Variants in CACNA1A observed in about 807,000 individuals in gnomAD.
The protein encoded by CACNA1A is voltage-dependent P/Q-type calcium channel subunit alpha-1A.
In CACNA1A, 57 loss-of-function variants were observed where a neutral mutation model predicts 262.4. The observed-to-expected ratio is 0.22, with a 90% CI of 0.18 to 0.27. The LOEUF (loss-of-function observed/expected upper bound fraction) is 0.27, where lower values mean the gene tolerates loss of function less well. CACNA1A is among the 10% of genes least tolerant of loss of function. CACNA1A has a pLI of 1.00. For synonymous variants in CACNA1A, 1,431 were observed against 1,419.3 expected (o/e 1.01, Z -0.18); for missense variants, 2,526 against 3,562.8 (o/e 0.71, Z 7.41).
intron 2 of CACNA1A, among the ~76,000 whole-genome samples, chr19:13,454,383 C>A (rs531837126): frequency 6.6e-6 from 1 of 151,804 alleles, no homozygotes; most frequent in African/African-American, 2.4e-5. Flanking sequence ...CGCCTCCCCC[C>A]CACCAAGATG....
chr19:13,349,098 C>T (rs1719727970), intron 6 of CACNA1A, among the ~76,000 whole-genome samples: 1 of 151,370 alleles, frequency 6.6e-6, no homozygotes, highest in Non-Finnish European at 1.5e-5. Flanking sequence ...GAATTGTGTC[C>T]AGAGCTGTGT....
intron 5 of CACNA1A, chr19:13,362,009 T>C (rs1420060742): frequency 6.8e-6 from 1 of 146,948 alleles, no homozygotes; most frequent in African/African-American, 2.5e-5. Context: ...CTTCCTTCTT[T>C]CCTTCCTCTC....
chr19:13,402,777 T>TAC (rs1436795574), intron 3 of CACNA1A, among the ~76,000 whole-genome samples: 9 of 133,446 alleles, frequency 6.7e-5, no homozygotes, highest in Admixed American at 4.3e-4. Context: ...TACATATATA[T>TAC]ACATATATAT....
At position 13,214,532 on chromosome 19, in the gene CACNA1A, C is replaced by T. The variant is rs776980110; in HGVS notation, c.5808G>A (p.Lys1936=). 1 of 1,614,000 alleles carries T rather than the reference C, an allele frequency of 6.2e-7. No homozygotes were observed. Among genetic ancestry groups the T allele is most frequent in the Non-Finnish European group, 8.5e-7 (1 of 1,179,852 alleles). ...GAGGTGTGACCAGCAGGTCTAGCGT[C>T]TTCTGGGACAGATTGGGCCAAATCG... The part of the protein sequence containing the change: ...MMAIWPNLSQ[K]TLDLLVTPHK... The change falls in exon 39 of 47, where the codon AAG becomes AAA. Residue 1936 remains lysine, a synonymous_variant. Transcript: ENST00000360228. The surrounding 1 kb of genome is among the most constrained non-coding windows in gnomAD (Gnocchi z 4.1).
intron 29 of CACNA1A, among the ~76,000 whole-genome samples, chr19:13,253,342 G>T (rs2056453029): frequency 6.6e-6 from 1 of 150,918 alleles, no homozygotes; most frequent in African/African-American, 2.4e-5. Flanking sequence ...TGGTAGACGG[G>T]GTCTTCCTAT....
intron 6 of CACNA1A, 109 bp from the exon 7 acceptor site, chr19:13,336,018 T>C: frequency 1.5e-6 from 1 of 651,056 alleles, no homozygotes; most frequent in Non-Finnish European, 2.7e-6. Flanking sequence ...GTCTTAAATG[T>C]TCTTGGCTTG....
At chr19:13,447,554 C>A (rs1351928593) in intron 3 of CACNA1A, among the ~76,000 whole-genome samples, 1 of 152,200 alleles carries the variant, frequency 6.6e-6, no homozygotes, top group Non-Finnish European at 1.5e-5. Context: ...AATTGACTCA[C>A]ACAATCACAA....
At chr19:13,353,526 G>A (rs74677041) in intron 6 of CACNA1A, among the ~76,000 whole-genome samples, 303 of 152,158 alleles carry the variant, frequency 2.0e-3, no homozygotes, top group African/African-American at 6.8e-3. Flanking sequence ...GCCATCATAC[G>A]GAAGGACCAT....
intron 1 of CACNA1A, 135 bp from the exon 2 acceptor site, chr19:13,455,347 C>T (rs756092846): frequency 7.0e-6 from 4 of 571,402 alleles, no homozygotes; most frequent in Non-Finnish European, 9.8e-6. Context: ...TGGAATTATT[C>T]GTTCTCCTGT....
chr19:13,281,750 G>A (rs144318031), intron 22 of CACNA1A, among the ~76,000 whole-genome samples: 81 of 152,328 alleles, frequency 5.3e-4, no homozygotes, highest in African/African-American at 1.9e-3. Flanking sequence ...TGGTGGTTAC[G>A]TGGTGTGAAC....
intron 3 of CACNA1A, among the ~76,000 whole-genome samples, chr19:13,379,287 A>G (rs1451774747): frequency 6.6e-6 from 1 of 152,180 alleles, no homozygotes; most frequent in African/African-American, 2.4e-5. Context: ...GATGGATTTT[A>G]AAATTAAGGT....
intron 31 of CACNA1A, among the ~76,000 whole-genome samples, chr19:13,239,178 A>G (rs2055984969): frequency 6.6e-6 from 1 of 152,014 alleles, no homozygotes; most frequent in Non-Finnish European, 1.5e-5. Flanking sequence ...TCCACAATAT[A>G]GCCCCGCCCT....
In CACNA1A at chr19:13,299,255, A is replaced by G. The variant is rs2057738998; in HGVS notation, c.2378T>C (p.Leu793Pro). The change falls in exon 19 of 47, where the codon CTG (leucine) becomes CCG (proline). Residue 793 changes from leucine (L) to proline (P), a missense_variant. By Grantham distance (98) the Leu-to-Pro change is moderately conservative. Coordinates refer to ENST00000360228, the MANE Select transcript of CACNA1A (RefSeq NM_001127222.2). Reference protein sequence around the residue: ...KQNLLASREALYNEMDPDERW... With the variant: ...KQNLLASREAPYNEMDPDERW... ...CTCGTCCGGGTCCATTTCGTTATAC[A>G]GGGCCTCCCGGCTGGCCAGCAAGTT... 6.2e-7 allele frequency: 1 copy of G among 1,607,730 alleles called. No individual in the cohort carries two copies.
chr19:13,346,645 TATATATATATATATATA>T (rs1568557382), intron 6 of CACNA1A, among the ~76,000 whole-genome samples: 1 of 8,000 alleles, frequency 1.3e-4, no homozygotes, highest in African/African-American at 5.1e-4. Context: ...TATATATATA[TATATATATATATATATA>T]TATATTTTTT....
At chr19:13,505,628 G>A (rs1982930651) in intron 1 of CACNA1A, among the ~76,000 whole-genome samples, 1 of 151,988 alleles carries the variant, frequency 6.6e-6, no homozygotes, top group East Asian at 1.9e-4. Flanking sequence ...CCCCCACCAA[G>A]GCTCCTGCAC....
At chr19:13,465,330 C>G (rs1010143731) in intron 1 of CACNA1A, among the ~76,000 whole-genome samples, 2 of 152,186 alleles carry the variant, frequency 1.3e-5, no homozygotes, top group Non-Finnish European at 2.9e-5. Flanking sequence ...GAACATACTG[C>G]AGTGCATGCA....
At chr19:13,420,619 A>G (rs1351557657) in intron 3 of CACNA1A, among the ~76,000 whole-genome samples, 1 of 152,156 alleles carries the variant, frequency 6.6e-6, no homozygotes, top group Non-Finnish European at 1.5e-5. Flanking sequence ...TTCCTAGAGC[A>G]GTTGTCAAGG....
chr19:13,393,814 C>CCCGCCT (rs2059763025), intron 3 of CACNA1A, among the ~76,000 whole-genome samples: 1 of 100,636 alleles, frequency 9.9e-6, no homozygotes, highest in Non-Finnish European at 2.0e-5. Flanking sequence ...TCCTTCCTCT[C>CCCGCCT]TCTCTCTCTC....
At position 13,210,638 on chromosome 19, in the gene CACNA1A, C is replaced by A; in HGVS notation, c.6318G>T (p.Arg2106=). ...LPAENQRRRG[R]PRGNNLSTIS... ...ATACACTGAGGTTATTCCCACGTGG[C>A]CGGCCCCTTCTCCTCTGTCACAGCC... Residue 2106 remains arginine (R), a synonymous_variant, in exon 44 of 47, where the codon CGG becomes CGT. Coordinates refer to ENST00000360228, the MANE Select transcript of CACNA1A (RefSeq NM_001127222.2). 6.4e-7 allele frequency: 1 copy of A among 1,564,824 alleles called. No individual in the cohort carries two copies. Among genetic ancestry groups the A allele is most frequent in the Non-Finnish European group, 8.7e-7 (1 of 1,156,042 alleles).
Sources: gnomAD v4.1 joint callset for allele counts (sites outside exome capture counted in the v4.1 genomes callset) on GRCh38, gnomAD v4.1.1 for gene constraint, Gnocchi (gnomAD v3.1) non-coding constraint, MANE v1.5 for transcripts, NCBI Gene and HGNC (gene_info 2026-07-23, HGNC 2026-07-21) for gene names.